The following ZNF85 variants were observed in gnomAD, a reference collection of about 807,000 sequenced individuals.
ZNF85 encodes zinc finger protein 85, also known as zinc finger protein 85 (HPF4, HTF1).
A neutral mutation model predicts 53.9 loss-of-function variants in ZNF85; 50 were observed. The ratio of observed to expected loss-of-function variants is 0.93; its 90% CI spans 0.74 to 1.17. The LOEUF (loss-of-function observed/expected upper bound fraction) is 1.17, where lower values mean the gene tolerates loss of function less well. ZNF85 is among the 50% of genes most tolerant of loss of function. The probability of loss-of-function intolerance (pLI) is 0.00; values close to 1 mark genes in which losing one functional copy is unlikely to be tolerated. For synonymous variants in ZNF85, 225 were observed against 226.1 expected, an observed-to-expected ratio of 1.00 and a Z score of 0.04; for missense variants, 747 against 688.5, an observed-to-expected ratio of 1.08 and a Z score of -0.95.
At chr19:20,935,461 G>A (rs961276402) in intron 3 of ZNF85, among the ~76,000 whole-genome samples, 7 of 151,994 alleles carry the variant, frequency 4.6e-5, no homozygotes. Context: ...TCCATTGGGG[G>A]TTTTTTTGTT....
At position 20,945,108 on chromosome 19, in the gene ZNF85, CTG is replaced by C. The variant is rs1329987060; in HGVS notation, c.230-3634_230-3633del. ...AGATAATATAAAAACTATCATTACT[CTG>C]TATCTTAGGTATTTCTGTTTATTTT... On this transcript the variant is annotated intron_variant, in intron 3 of 3. Transcript: ENST00000328178. Among the ~76,000 whole-genome samples the C allele has an allele frequency of 4.7e-5, 7 of 148,884 alleles. No homozygotes were observed. In the East Asian group the frequency reaches 7.8e-4, roughly 17 times the overall value.
chr19:20,935,068 A>T, intron 3 of ZNF85, 21 bp downstream of exon 3: 1 of 1,549,836 alleles, frequency 6.5e-7, no homozygotes, highest in Non-Finnish European at 8.9e-7. Context: ...GTGAAAATGA[A>T]TACAGCAGAT....
At chr19:20,930,160 C>T (rs933285783) in intron 1 of ZNF85, among the ~76,000 whole-genome samples, 13 of 140,596 alleles carry the variant, frequency 9.2e-5, no homozygotes, top group Non-Finnish European at 1.9e-4. Flanking sequence ...GAGTTTTTGT[C>T]TGGTGAATCC....
intron 1 of ZNF85, chr19:20,926,828 A>G (rs1157607564): frequency 1.3e-5 from 2 of 152,154 alleles, no homozygotes; most frequent in Non-Finnish European, 2.9e-5. Context: ...TTGTAAAATA[A>G]AACAAAGTTA....
At chr19:20,933,897 G>A (rs544937302) in intron 1 of ZNF85, 127 bp from the exon 2 acceptor site, 1 of 1,055,068 alleles carries the variant, frequency 9.5e-7, no homozygotes, top group African/African-American at 1.7e-5. Context: ...ACAGTTACCT[G>A]TACTCTCTCA....
intron 3 of ZNF85, among the ~76,000 whole-genome samples, 195 bp from the exon 4 acceptor site, chr19:20,948,545 CATTT>C (rs1195783324): frequency 6.6e-6 from 1 of 152,078 alleles, no homozygotes; most frequent in South Asian, 2.1e-4. Context: ...ACACTTAACT[CATTT>C]ATAAATTTTC....
At chr19:20,942,798 C>T in intron 3 of ZNF85, 1 of 699,082 alleles carries the variant, frequency 1.4e-6, no homozygotes, top group Non-Finnish European at 2.6e-6. Flanking sequence ...TATTTTGACG[C>T]AGAATCTTAC....
In ZNF85 at chr19:20,948,762, C is replaced by T; in HGVS notation, c.248C>T (p.Ala83Val). 1.3e-6 allele frequency: 2 copies of T among 1,568,268 alleles called. No homozygotes were observed. The highest frequency in any genetic ancestry group is 1.7e-6 in the Non-Finnish European group (2 of 1,159,812). ...AKPTVMCSHF[A>V]QDLWPEQNIK... is the part of the protein sequence containing the mutation. Reference sequence around the variant, plus strand: ...CTTTCAGTTATGTGTTCTCATTTTGCCCAAGACCTTTGGCCGGAGCAGAAT... The same window carrying T: ...CTTTCAGTTATGTGTTCTCATTTTGTCCAAGACCTTTGGCCGGAGCAGAAT... The change falls in exon 4 of 4, where the codon GCC becomes GTC. Residue 83 changes from alanine to valine, a missense_variant. Physicochemically the swap from Ala to Val is moderately conservative, Grantham distance 64. Coordinates refer to ENST00000328178, the MANE Select transcript of ZNF85 (RefSeq NM_003429.5).
chr19:20,936,255 T>A (rs1973156192), intron 3 of ZNF85, among the ~76,000 whole-genome samples: 1 of 152,230 alleles, frequency 6.6e-6, no homozygotes, highest in African/African-American at 2.4e-5. Flanking sequence ...CAGCAACTTT[T>A]ACTTATTTGT....
intron 3 of ZNF85, among the ~76,000 whole-genome samples, chr19:20,945,070 CTT>C (rs1448578385): frequency 2.0e-5 from 3 of 152,010 alleles, no homozygotes; most frequent in East Asian, 1.9e-4. Flanking sequence ...GGGAGAAACA[CTT>C]TTGAATTTTA....
At chr19:20,945,645 C>G (rs887106437) in intron 3 of ZNF85, 2 of 152,076 alleles carry the variant, frequency 1.3e-5, no homozygotes, top group African/African-American at 4.8e-5. Flanking sequence ...CCACCATGCC[C>G]GGCTCATTTT....
At chr19:20,942,937 G>T in intron 3 of ZNF85, 1 of 564,256 alleles carries the variant, frequency 1.8e-6, no homozygotes, top group Admixed American at 3.4e-5. Flanking sequence ...TACTATGCCT[G>T]GCTAATTTTT....
chr19:20,935,319 G>A (rs143288141), intron 3 of ZNF85, among the ~76,000 whole-genome samples: 1 of 152,136 alleles, frequency 6.6e-6, no homozygotes, highest in African/African-American at 2.4e-5. Flanking sequence ...AAGAGACTGC[G>A]CAGTCTGGCT....
At chr19:20,925,888 AG>A (rs1972869921) in intron 1 of ZNF85, among the ~76,000 whole-genome samples, 1 of 152,194 alleles carries the variant, frequency 6.6e-6, no homozygotes. Flanking sequence ...TGATTAGTAA[AG>A]TTTAAAAGGC....
At chr19:20,929,858 C>T (rs981631321) in intron 1 of ZNF85, among the ~76,000 whole-genome samples, 2 of 152,092 alleles carry the variant, frequency 1.3e-5, no homozygotes, top group African/African-American at 2.4e-5. Context: ...TGGTGGCTTA[C>T]GCCTATAATC....
intron 3 of ZNF85, among the ~76,000 whole-genome samples, chr19:20,938,195 A>G (rs139515172): frequency 8.5e-5 from 13 of 152,168 alleles, no homozygotes; most frequent in African/African-American, 3.1e-4. Context: ...TCAGCCTCCT[A>G]AGTAGCTAAA....
At chr19:20,946,961 T>A (rs1486692418) in intron 3 of ZNF85, among the ~76,000 whole-genome samples, 3 of 149,648 alleles carry the variant, frequency 2.0e-5, no homozygotes, top group Non-Finnish European at 4.5e-5. Flanking sequence ...TGAAACAGAC[T>A]TACAAATGTT....
intron 3 of ZNF85, among the ~76,000 whole-genome samples, chr19:20,941,962 A>G (rs1002904384): frequency 6.6e-6 from 1 of 152,122 alleles, no homozygotes; most frequent in African/African-American, 2.4e-5. Context: ...GATATAATCC[A>G]TCTTCATCTT....
intron 1 of ZNF85, among the ~76,000 whole-genome samples, chr19:20,933,579 C>A (rs537777688): frequency 6.6e-6 from 1 of 152,256 alleles, no homozygotes; most frequent in South Asian, 2.1e-4. Flanking sequence ...AAAAAATAAT[C>A]TGCATTAACA....
Sources: gnomAD v4.1 joint callset for allele counts (sites outside exome capture counted in the v4.1 genomes callset) on GRCh38, gnomAD v4.1.1 for gene constraint, MANE v1.5 for transcripts, NCBI Gene and HGNC (gene_info 2026-07-23, HGNC 2026-07-21) for gene names.